NDP: variants seen among roughly 807,000 people sequenced by gnomAD.
NDP encodes norrin cystine knot growth factor NDP, also known as norrin.
In NDP, 2 loss-of-function variants were observed where a neutral mutation model predicts 8.4. That is an observed-to-expected ratio of 0.24 (90% confidence interval 0.10 to 0.75). The LOEUF (loss-of-function observed/expected upper bound fraction) is 0.75, where lower values mean the gene tolerates loss of function less well. NDP is among the 30% of genes least tolerant of loss of function. The pLI, the probability that NDP is intolerant of heterozygous loss-of-function variation, is 0.73. For synonymous variants in NDP, 55 were observed against 45.6 expected (o/e 1.21, Z -0.83); for missense variants, 81 against 110.1 (o/e 0.74, Z 1.18).
intron 2 of NDP, among the ~76,000 whole-genome samples, chrX:43,950,664 A>T (rs1329737062): frequency 9.0e-6 from 1 of 111,115 alleles, no homozygotes; most frequent in Non-Finnish European, 1.9e-5. Context: ...ATGTTGAAGG[A>T]GCCTGGGATT....
At chrX:43,964,222 G>A (rs1414550118) in intron 1 of NDP, among the ~76,000 whole-genome samples, 1 of 111,719 alleles carries the variant, frequency 9.0e-6, no homozygotes. Context: ...TACTAGCCAA[G>A]TGTAGCCAAG....
In NDP at chrX:43,949,927, A is replaced by T. The variant is rs772386222; in HGVS notation, c.274T>A (p.Ser92Thr). 20 of 1,204,579 alleles carry T rather than the reference A, an allele frequency of 1.7e-5. No individual in the cohort carries two copies. The highest frequency in any genetic ancestry group is 9.0e-6 in the Non-Finnish European group (8 of 892,679). ...STVLKQPFRS[S>T]CHCCRPQTSK... ...GTCTGGGGCCGGCAGCAGTGACAGG[A>T]GGAACGGAAGGGTTGCTTGAGGACA... Residue 92 changes from serine (S) to threonine (T), a missense_variant, in exon 3 of 3, where the codon TCC (serine) becomes ACC (threonine). Coordinates refer to ENST00000642620, the MANE Select transcript of NDP (RefSeq NM_000266.4).
intron 2 of NDP, among the ~76,000 whole-genome samples, chrX:43,955,503 G>C (rs765624912): frequency 1.8e-5 from 2 of 112,534 alleles, no homozygotes; most frequent in African/African-American, 3.2e-5. Context: ...GCATGCCTCA[G>C]TTCTCATAGA....
chrX:43,962,896 G>C (rs755311624), intron 1 of NDP, among the ~76,000 whole-genome samples: 1 of 112,259 alleles, frequency 8.9e-6, no homozygotes, highest in Non-Finnish European at 1.9e-5. Context: ...GTCATCCTCA[G>C]GGAAATAATA....
chrX:43,950,529 A>G (rs1192823941), intron 2 of NDP, among the ~76,000 whole-genome samples: 2 of 110,927 alleles, frequency 1.8e-5, no homozygotes, highest in Non-Finnish European at 3.8e-5. Context: ...TAGTTTCTGA[A>G]TAAGAAAATA....
At chrX:43,953,127 AACACACACACAC>A (rs58114928) in intron 2 of NDP, among the ~76,000 whole-genome samples, 5 of 98,240 alleles carry the variant, frequency 5.1e-5, no homozygotes, top group Non-Finnish European at 1.0e-4. Flanking sequence ...TGATGTTCTC[AACACACACACAC>A]ACACACACAC....
rs140653237 is a variant in NDP at position 43,949,789 on chromosome X, G to A, written c.*10C>T. 8.6e-7 allele frequency: 1 copy of A among 1,166,277 alleles called. No homozygotes were observed. Among genetic ancestry groups the A allele is most frequent in the Non-Finnish European group, 1.1e-6 (1 of 870,639 alleles). On this transcript the variant is annotated 3_prime_UTR_variant, in exon 3 of 3. Transcript: ENST00000642620. Reference sequence around the variant, plus strand: ...TTGTCCCATCCAGAAGCCACACACAGCAGCGGGCCTCAGGAATTGCATTCC... The same window carrying A: ...TTGTCCCATCCAGAAGCCACACACAACAGCGGGCCTCAGGAATTGCATTCC...
chrX:43,951,557 G>C (rs1401821796), intron 2 of NDP, among the ~76,000 whole-genome samples: 1 of 112,193 alleles, frequency 8.9e-6, no homozygotes, highest in African/African-American at 3.2e-5. Flanking sequence ...TTACAATATT[G>C]TAGGAATTCG....
At chrX:43,971,412 G>A (rs773468189) in intron 1 of NDP, among the ~76,000 whole-genome samples, 8 of 111,450 alleles carry the variant, frequency 7.2e-5, no homozygotes, top group Non-Finnish European at 1.1e-4. Context: ...ATTGTTAAAT[G>A]TATTGAAAAA....
chrX:43,953,300 T>C (rs1402173500), intron 2 of NDP: 1 of 112,744 alleles, frequency 8.9e-6, no homozygotes, highest in Non-Finnish European at 1.9e-5. Flanking sequence ...GCTTCTGCCA[T>C]GCCTTACTTG....
chrX:43,951,522 T>G (rs1172801736), intron 2 of NDP, among the ~76,000 whole-genome samples: 5 of 112,013 alleles, frequency 4.5e-5, no homozygotes, highest in Non-Finnish European at 9.4e-5. Flanking sequence ...TACATATATA[T>G]GCATGAAACC....
chrX:43,963,071 T>C (rs1007597293), intron 1 of NDP, among the ~76,000 whole-genome samples: 1 of 112,325 alleles, frequency 8.9e-6, no homozygotes, highest in African/African-American at 3.2e-5. Context: ...AATGGCCTTA[T>C]TCTTGCCTTG....
In NDP at chrX:43,958,655, GA is replaced by G; in HGVS notation, c.-11del. On this transcript the variant is annotated 5_prime_UTR_variant, in exon 2 of 3. Coordinates refer to ENST00000642620, the MANE Select transcript of NDP (RefSeq NM_000266.4). ...GTACATGTTTTCTCATTGTTGTAAG[GA>G]AAAACTTCTCTAGAAGAACAGCAGA... 2 of 1,205,803 alleles carry G rather than the reference GA, an allele frequency of 1.7e-6. No homozygotes were observed. The highest frequency in any genetic ancestry group is 1.1e-6 in the Non-Finnish European group (1 of 890,760).
intron 2 of NDP, among the ~76,000 whole-genome samples, chrX:43,951,284 G>A (rs143048588): frequency 2.6e-3 from 284 of 109,516 alleles, no homozygotes; most frequent in South Asian, 5.3e-3. Context: ...GCGTGGTGAT[G>A]TGCACCTGTA....
chrX:43,958,955 G>C, intron 1 of NDP, 103 bp from the exon 2 acceptor site: 1 of 289,669 alleles, frequency 3.5e-6, no homozygotes, highest in Non-Finnish European at 6.3e-6. Flanking sequence ...ATTTTGAGAG[G>C]AGAATATTGG....
intron 1 of NDP, among the ~76,000 whole-genome samples, chrX:43,971,665 T>C (rs184210796): frequency 6.2e-5 from 7 of 112,247 alleles, no homozygotes; most frequent in African/African-American, 1.9e-4. Context: ...TTGATTCAGC[T>C]AAATGCTTTG....
In NDP at chrX:43,971,114, C is replaced by T. The variant is rs778522336; in HGVS notation, c.-208+2190G>A. ...TGCCCACTTTACCCATTGGCAATGC[C>T]CATTTCAGTTCCAAAATCTAACTAG... On this transcript the variant is annotated intron_variant, in intron 1 of 2. Coordinates refer to ENST00000642620, the MANE Select transcript of NDP (RefSeq NM_000266.4). Among the ~76,000 whole-genome samples, 96 of 112,085 alleles carry T rather than the reference C, an allele frequency of 8.6e-4. 1 individual carries two copies. The highest frequency in any genetic ancestry group is 1.6e-3 in the Non-Finnish European group (84 of 53,259).
chrX:43,964,195 G>A (rs887517838), intron 1 of NDP, among the ~76,000 whole-genome samples: 1 of 111,691 alleles, frequency 9.0e-6, no homozygotes, highest in Non-Finnish European at 1.9e-5. Flanking sequence ...AGGACTCTGT[G>A]TTCTCCCAAC....
chrX:43,959,387 C>T (rs778798234), intron 1 of NDP, among the ~76,000 whole-genome samples: 6 of 111,781 alleles, frequency 5.4e-5, no homozygotes, highest in African/African-American at 1.9e-4. Context: ...GTGCTCTAGG[C>T]TCATCCTGTT....
Sources: gnomAD v4.1 joint callset for allele counts (sites outside exome capture counted in the v4.1 genomes callset) on GRCh38, gnomAD v4.1.1 for gene constraint, MANE v1.5 for transcripts, NCBI Gene and HGNC (gene_info 2026-07-23, HGNC 2026-07-21) for gene names.